Variants in MGST1 observed in about 807,000 individuals in gnomAD.
MGST1 encodes glutathione S-transferase 12.
MGST1 carries 5 observed loss-of-function variants against 8.9 expected under a neutral mutation model. The observed-to-expected ratio is 0.56, with a 90% confidence interval of 0.29 to 1.19. The LOEUF (loss-of-function observed/expected upper bound fraction) is 1.19. Ranked by LOEUF, MGST1 falls within the 50% of genes most tolerant of loss-of-function variation. MGST1 has a pLI of 0.08. For synonymous variants in MGST1, 54 were observed against 67.8 expected, an observed-to-expected ratio of 0.80 and a Z score of 1.00; for missense variants, 182 against 187.4, an observed-to-expected ratio of 0.97 and a Z score of 0.17.
At chr12:16,357,505 G>A (rs1939773189) in intron 2 of MGST1, 100 bp from the exon 3 acceptor site, 1 of 854,088 alleles carries the variant, frequency 1.2e-6, no homozygotes, top group Admixed American at 2.8e-5. Context: ...TTGGGCTCAA[G>A]CAATCCTGCC....
intron 4 of MGST1, among the ~76,000 whole-genome samples, chr12:16,493,349 C>T (rs1188772953): frequency 6.6e-6 from 1 of 152,022 alleles, no homozygotes; most frequent in African/African-American, 2.4e-5. Context: ...AAAGTGTGAT[C>T]TCTGTAGCAG....
At position 16,500,337 on chromosome 12, in the gene MGST1, A is replaced by G. The variant is rs1386879922; in HGVS notation, n.483-89191A>G. ...CTGAGATGCCTGACAGACAACAAAT[A>G]AACTGGAAAAAGAGAGGTTCTTATT... On this transcript the variant is annotated intron_variant and non_coding_transcript_variant, in intron 4 of 4. Coordinates refer to the MGST1 transcript ENST00000538857. The surrounding 1 kb of genome is among the most constrained non-coding windows in gnomAD (Gnocchi z 4.3). Among the ~76,000 whole-genome samples, 1 of 152,234 alleles carries G rather than the reference A, an allele frequency of 6.6e-6. No individual in the cohort carries two copies. Among genetic ancestry groups the G allele is most frequent in the African/African-American group, 2.4e-5 (1 of 41,464 alleles).
intron 2 of MGST1, chr12:16,357,361 G>A (rs796857817): frequency 4.3e-5 from 16 of 372,926 alleles, no homozygotes; most frequent in African/African-American, 2.3e-4. Flanking sequence ...TCGGGCTCAG[G>A]TGATCCTCCA....
Position 16,459,335 on chromosome 12 carries a change from G to A in MGST1, n.482+75731G>A, listed in dbSNP as rs115599674. Among the ~76,000 whole-genome samples the A allele has an allele frequency of 1.7e-3, 265 of 152,030 alleles. 2 individuals are homozygous for A. Among genetic ancestry groups the A allele is most frequent in the African/African-American group, 6.1e-3 (254 of 41,466 alleles). On this transcript the variant is annotated intron_variant and non_coding_transcript_variant, in intron 4 of 4. Transcript: ENST00000538857. ...GCTTCAAAGCCTCTAAATGACCTAC[G>A]GCATGGATTCTTTAACTTGGTACAA...
At chr12:16,420,655 AG>A (rs1940827127) in intron 1 of MGST1, among the ~76,000 whole-genome samples, 1 of 152,110 alleles carries the variant, frequency 6.6e-6, no homozygotes, top group Non-Finnish European at 1.5e-5. Context: ...GATCCTTCAG[AG>A]CTAGACCTTT....
At chr12:16,475,641 G>C (rs1224594974) in intron 4 of MGST1, among the ~76,000 whole-genome samples, 1 of 152,148 alleles carries the variant, frequency 6.6e-6, no homozygotes. Flanking sequence ...CAATTCAGCT[G>C]CATAGAAATA....
chr12:16,414,891 G>A (rs1318980532), intron 1 of MGST1, among the ~76,000 whole-genome samples: 1 of 152,072 alleles, frequency 6.6e-6, no homozygotes, highest in Admixed American at 6.5e-5. Context: ...GGGCGTGATG[G>A]CACGTGCCTG....
At chr12:16,580,158 A>C (rs990141287) in intron 4 of MGST1, among the ~76,000 whole-genome samples, 1 of 152,090 alleles carries the variant, frequency 6.6e-6, no homozygotes. Context: ...TAGAGATGGG[A>C]TCTCTCTATG....
Position 16,410,623 on chromosome 12 carries a change from AAT to A in MGST1, n.779-26760_779-26759del, listed in dbSNP as rs998372738. ...TGTTTATATATTACATATAAATATT[AAT>A]ATATGTATATGTAATACATATATTA... On this transcript the variant is annotated intron_variant and non_coding_transcript_variant, in intron 1 of 1. Transcript: ENST00000359720. This position sits in a 1 kb window ranked among gnomAD's most constrained non-coding sequence, Gnocchi z 4.4. Among the ~76,000 whole-genome samples, 24 of 148,240 alleles carry A rather than the reference AAT, an allele frequency of 1.6e-4. No homozygotes were observed. Among genetic ancestry groups the A allele is most frequent in the Non-Finnish European group, 3.4e-4 (23 of 67,278 alleles).
At chr12:16,488,300 T>C (rs929730325) in intron 4 of MGST1, among the ~76,000 whole-genome samples, 1 of 152,198 alleles carries the variant, frequency 6.6e-6, no homozygotes, top group African/African-American at 2.4e-5. Context: ...TGAGTAGTGA[T>C]AGATACTTAG....
downstream of MGST1, among the ~76,000 whole-genome samples, chr12:16,591,963 A>G (rs578000860): frequency 8.5e-5 from 13 of 152,164 alleles, no homozygotes; most frequent in East Asian, 2.5e-3. The surrounding 1 kb of genome is among the most constrained non-coding windows in gnomAD (Gnocchi z 4.1). Flanking sequence ...AACTCTTTAT[A>G]TATTCTACTT....
intron 4 of MGST1, among the ~76,000 whole-genome samples, chr12:16,556,141 A>C (rs935137860): frequency 4.6e-5 from 7 of 152,198 alleles, no homozygotes; most frequent in Admixed American, 2.0e-4. Flanking sequence ...ACATAATTTT[A>C]CATATTTGGG....
chr12:16,397,750 T>G (rs1308575297), intron 1 of MGST1, among the ~76,000 whole-genome samples: 2 of 150,080 alleles, frequency 1.3e-5, no homozygotes, highest in African/African-American at 2.4e-5. Flanking sequence ...GCATTTTCCT[T>G]TACCCTGAAC....
intron 4 of MGST1, among the ~76,000 whole-genome samples, chr12:16,554,462 A>G (rs1171691551): frequency 2.0e-5 from 3 of 152,110 alleles, no homozygotes; most frequent in Non-Finnish European, 4.4e-5. Flanking sequence ...ACTGTTTTCA[A>G]TAAGAAGTCC....
At chr12:16,379,577 A>G (rs1224633851), downstream of MGST1, among the ~76,000 whole-genome samples, 4 of 152,194 alleles carry the variant, frequency 2.6e-5, no homozygotes, top group African/African-American at 9.6e-5. Context: ...TTTTGCATCA[A>G]TGTTCACCAA....
chr12:16,473,743 C>T (rs980455888), intron 4 of MGST1, among the ~76,000 whole-genome samples: 1 of 151,982 alleles, frequency 6.6e-6, no homozygotes, highest in Non-Finnish European at 1.5e-5. Context: ...TGGCCGTGTG[C>T]GACAGCTCAC....
At chr12:16,565,983 CATATATATATATATATATATAT>C (rs61358392) in intron 4 of MGST1, among the ~76,000 whole-genome samples, 1,042 of 43,846 alleles carry the variant, frequency 0.024, 44 homozygotes, top group East Asian at 0.057. Flanking sequence ...GAAAATGTGC[CATATATATATATATATATATAT>C]ATATATATAT....
intron 4 of MGST1, among the ~76,000 whole-genome samples, chr12:16,588,789 C>T (rs1030745943): frequency 4.6e-5 from 7 of 152,138 alleles, no homozygotes; most frequent in Admixed American, 2.6e-4. Context: ...CTTTCATATT[C>T]TTCATTATTA....
At chr12:16,550,245 C>T (rs927756199) in intron 4 of MGST1, 1 of 152,310 alleles carries the variant, frequency 6.6e-6, no homozygotes, top group East Asian at 1.9e-4. Flanking sequence ...AGTTATGAAA[C>T]CCTCAGCTCT....
Sources: allele counts gnomAD v4.1 joint callset (sites outside exome capture counted in the v4.1 genomes callset), GRCh38; gene constraint gnomAD v4.1.1; non-coding constraint Gnocchi (gnomAD v3.1); transcripts MANE v1.5; gene names NCBI Gene and HGNC (gene_info 2026-07-23, HGNC 2026-07-21).